FTO: variants seen among roughly 807,000 people sequenced by gnomAD.
FTO encodes FTO alpha-ketoglutarate dependent dioxygenase, also known as alpha-ketoglutarate-dependent dioxygenase FTO.
Under a neutral mutation model 63.9 loss-of-function variants are expected in FTO, and 47 were observed. The observed-to-expected ratio is 0.74, with a 90% CI of 0.58 to 0.94. The LOEUF is 0.94. Ranked by LOEUF, FTO falls within the 40% of genes least tolerant of loss-of-function variation. The pLI is 0.00. For missense variants in FTO, 562 were observed against 618.1 expected (o/e 0.91, Z 0.96); for synonymous variants, 207 against 224.4 (o/e 0.92, Z 0.69).
At chr16:53,739,373 T>G (rs1031481882) in intron 1 of FTO, among the ~76,000 whole-genome samples, 2 of 106,772 alleles carry the variant, frequency 1.9e-5, no homozygotes, top group African/African-American at 8.3e-5. Context: ...ACCTGGCTGT[T>G]TTTTTTTTTT....
At chr16:53,996,362 T>A (rs1420274294) in intron 8 of FTO, among the ~76,000 whole-genome samples, 1 of 152,224 alleles carries the variant, frequency 6.6e-6, no homozygotes, top group Non-Finnish European at 1.5e-5. Context: ...ACATCATATT[T>A]AAGAAATTTG....
chr16:53,809,762 C>G (rs182169786), intron 1 of FTO, among the ~76,000 whole-genome samples: 5 of 151,864 alleles, frequency 3.3e-5, no homozygotes, highest in African/African-American at 9.7e-5. Flanking sequence ...GGCAACATAG[C>G]GAGACCTTGT....
chr16:54,037,150 G>T (rs2084959685), intron 8 of FTO, among the ~76,000 whole-genome samples: 1 of 152,310 alleles, frequency 6.6e-6, no homozygotes, highest in African/African-American at 2.4e-5. Flanking sequence ...CCCAGGGAGA[G>T]AATTCTGATT....
At chr16:53,905,594 T>G (rs2081516404) in intron 7 of FTO, among the ~76,000 whole-genome samples, 1 of 152,206 alleles carries the variant, frequency 6.6e-6, no homozygotes, top group African/African-American at 2.4e-5. Flanking sequence ...TGCTTTCCAT[T>G]CAGTTCTCTG....
chr16:54,080,050 C>T (rs2144505115), intron 8 of FTO, among the ~76,000 whole-genome samples: 1 of 152,218 alleles, frequency 6.6e-6, no homozygotes, highest in South Asian at 2.1e-4. Context: ...CCATACCAGT[C>T]ATAAGATAGT....
At chr16:53,805,658 C>G (rs2078345393) in intron 1 of FTO, among the ~76,000 whole-genome samples, 1 of 152,118 alleles carries the variant, frequency 6.6e-6, no homozygotes, top group Admixed American at 6.5e-5. Flanking sequence ...CCATTTTCCC[C>G]AAGCTGGTCT....
In FTO at chr16:54,061,984, C is replaced by G. The variant is rs150143767; in HGVS notation, c.1365-49778C>G. ...TAAAATTTCAGTGTGTCCCTTGATG[C>G]CTTTATTTTGGTGTGCTGTTGTGGG... On this transcript the variant is annotated intron_variant, in intron 8 of 8. Coordinates refer to ENST00000471389, the MANE Select transcript of FTO (RefSeq NM_001080432.3). 3.2e-3 allele frequency among the ~76,000 whole-genome samples: 489 copies of G among 152,190 alleles called. 4 individuals are homozygous for G. Among genetic ancestry groups the G allele is most frequent in the African/African-American group, 0.011 (466 of 41,518 alleles).
chr16:53,927,265 T>A (rs1410507460), intron 7 of FTO, among the ~76,000 whole-genome samples: 1 of 152,030 alleles, frequency 6.6e-6, no homozygotes, highest in Non-Finnish European at 1.5e-5. Flanking sequence ...TTTTTATGTT[T>A]AGGTATAGGC....
chr16:53,840,094 C>T (rs7184370), intron 3 of FTO, among the ~76,000 whole-genome samples: 35,033 of 152,014 alleles, frequency 0.23, 4,261 homozygotes, highest in Middle Eastern at 0.31. Flanking sequence ...TGAGCCACCA[C>T]ACCTGGGCCT....
rs544921557 is a variant in FTO at position 53,750,244 on chromosome 16, T to C, written c.45+46015T>C. 3.3e-5 allele frequency among the ~76,000 whole-genome samples: 5 copies of C among 152,180 alleles called. No individual in the cohort carries two copies. In the East Asian group the frequency reaches 7.7e-4, roughly 23 times the overall value. On this transcript the variant is annotated intron_variant, in intron 1 of 8. Coordinates refer to ENST00000471389, the MANE Select transcript of FTO (RefSeq NM_001080432.3). ...TTTTCTTTTTCTTTTTCTTTTCTTTTCTTTTTTTTTTGAGGCAGAGTCTCA... is the reference window on the plus strand; with the variant it reads ...TTTTCTTTTTCTTTTTCTTTTCTTTCCTTTTTTTTTTGAGGCAGAGTCTCA...
At chr16:53,863,440 T>C (rs16952608) in intron 4 of FTO, among the ~76,000 whole-genome samples, 23,316 of 152,180 alleles carry the variant, frequency 0.15, 4,151 homozygotes, top group African/African-American at 0.43. Flanking sequence ...CCTTACACAG[T>C]CATGTAGAGA....
intron 8 of FTO, among the ~76,000 whole-genome samples, chr16:53,950,441 A>C (rs2143511912): frequency 6.6e-6 from 1 of 152,356 alleles, no homozygotes; most frequent in South Asian, 2.1e-4. Flanking sequence ...ACAATTGTAT[A>C]GCTTTGAGCT....
At chr16:53,831,192 T>G (rs945275890) in intron 3 of FTO, among the ~76,000 whole-genome samples, 2 of 152,204 alleles carry the variant, frequency 1.3e-5, no homozygotes, top group Admixed American at 6.5e-5. Flanking sequence ...GCTTGGAGTT[T>G]TGGAGTATTC....
chr16:53,891,439 T>A (rs1011294357), intron 7 of FTO, among the ~76,000 whole-genome samples: 2 of 151,890 alleles, frequency 1.3e-5, no homozygotes, highest in Non-Finnish European at 2.9e-5. Flanking sequence ...GTTGGGAGGA[T>A]TGCTTGATCC....
chr16:53,828,378 C>T (rs1057236914), intron 3 of FTO, among the ~76,000 whole-genome samples: 5 of 152,148 alleles, frequency 3.3e-5, no homozygotes, highest in Non-Finnish European at 5.9e-5. Flanking sequence ...CGCCACCACG[C>T]CCGGCTAATT....
At chr16:53,912,700 A>G (rs1338553491) in intron 7 of FTO, among the ~76,000 whole-genome samples, 2 of 152,304 alleles carry the variant, frequency 1.3e-5, no homozygotes, top group Middle Eastern at 3.4e-3. Flanking sequence ...TCTGCTGGCC[A>G]TGATGCTTAG....
In FTO at chr16:53,997,634, G is replaced by A. The variant is rs1392000467; in HGVS notation, c.1364+63525G>A. Among the ~76,000 whole-genome samples, 10 of 152,212 alleles carry A rather than the reference G, an allele frequency of 6.6e-5. No homozygotes were observed. In the East Asian group the frequency reaches 1.7e-3, roughly 26 times the overall value. ...AACAGAGGGGACGTGTTATAAGGCA[G>A]AGAGGTATGAGAGAAATAGAACATT... On this transcript the variant is annotated intron_variant, in intron 8 of 8. Transcript: ENST00000471389.
chr16:53,850,844 G>T (rs2079772035), intron 4 of FTO, among the ~76,000 whole-genome samples: 1 of 151,994 alleles, frequency 6.6e-6, no homozygotes, highest in Admixed American at 6.6e-5. Flanking sequence ...TGTGGTGATG[G>T]TTGCACATCT....
At chr16:53,869,541 G>GT (rs35983302) in intron 4 of FTO, among the ~76,000 whole-genome samples, 11,181 of 125,048 alleles carry the variant, frequency 0.089, 817 homozygotes, top group African/African-American at 0.2. Context: ...CCATAGTTCT[G>GT]TTTTTTTTTT....
Sources: gnomAD v4.1 joint callset for allele counts (sites outside exome capture counted in the v4.1 genomes callset) on GRCh38, gnomAD v4.1.1 for gene constraint, MANE v1.5 for transcripts, NCBI Gene and HGNC (gene_info 2026-07-23, HGNC 2026-07-21) for gene names.